TENM4: variants seen among roughly 807,000 people sequenced by gnomAD.
TENM4 encodes the protein teneurin transmembrane protein 4.
Under a neutral mutation model 243.3 loss-of-function variants are expected in TENM4, and 82 were observed. That is an observed-to-expected ratio of 0.34 (90% CI 0.28 to 0.40). The LOEUF (loss-of-function observed/expected upper bound fraction) is 0.40. Ranked by LOEUF, TENM4 falls within the 10% of genes least tolerant of loss-of-function variation. The pLI, the probability that TENM4 is intolerant of heterozygous loss-of-function variation, is 1.00. For synonymous variants in TENM4, 1,412 were observed against 1,456.3 expected (o/e 0.97, Z 0.69); for missense variants, 3,138 against 3,673.3 (o/e 0.85, Z 3.77).
chr11:78,929,636 TAA>T (rs1856627844), intron 6 of TENM4, among the ~76,000 whole-genome samples: 1 of 152,080 alleles, frequency 6.6e-6, no homozygotes. Flanking sequence ...GGGGAGATGG[TAA>T]AGAGGGAACC....
intron 4 of TENM4, chr11:79,096,928 G>GCGCGCACACACACACACA (rs1491382120): frequency 7.5e-6 from 1 of 133,888 alleles, no homozygotes; most frequent in African/African-American, 2.6e-5. Context: ...GCGCGCGCGC[G>GCGCGCACACACACACACA]CACACACACA....
At chr11:79,166,006 T>G (rs932336571) in intron 3 of TENM4, among the ~76,000 whole-genome samples, 2 of 152,212 alleles carry the variant, frequency 1.3e-5, no homozygotes. Context: ...ATATGAGGCC[T>G]GCCTAACTTT....
At chr11:78,926,690 TC>T (rs386419736) in intron 6 of TENM4, among the ~76,000 whole-genome samples, 2,474 of 94,798 alleles carry the variant, frequency 0.026, 72 homozygotes, top group African/African-American at 0.071. Flanking sequence ...TTTTTTTTTT[TC>T]TGCCACAGAG....
At chr11:79,072,470 G>A (rs887611809) in intron 4 of TENM4, among the ~76,000 whole-genome samples, 3 of 107,338 alleles carry the variant, frequency 2.8e-5, no homozygotes, top group Non-Finnish European at 3.9e-5. Context: ...CTGGGCAAGA[G>A]TGAGACCCTG....
At chr11:78,773,745 G>T (rs780347547) in intron 17 of TENM4, among the ~76,000 whole-genome samples, 3 of 152,184 alleles carry the variant, frequency 2.0e-5, no homozygotes, top group African/African-American at 4.8e-5. Context: ...TGATGGGCCC[G>T]ATTTGGTCTG....
chr11:79,247,981 G>A (rs1430114072), intron 2 of TENM4, among the ~76,000 whole-genome samples: 3 of 152,198 alleles, frequency 2.0e-5, no homozygotes, highest in Non-Finnish European at 4.4e-5. Context: ...GGGCATGGAA[G>A]CCCTGTCTAC....
intron 6 of TENM4, among the ~76,000 whole-genome samples, chr11:79,056,789 A>T (rs1294629025): frequency 6.6e-6 from 1 of 152,156 alleles, no homozygotes; most frequent in Non-Finnish European, 1.5e-5. Context: ...AAAGCTGTGG[A>T]CTAAGAACAA....
chr11:78,931,214 C>T (rs1856662032), intron 6 of TENM4, among the ~76,000 whole-genome samples: 1 of 152,174 alleles, frequency 6.6e-6, no homozygotes, highest in African/African-American at 2.4e-5. Flanking sequence ...TCCACGATTT[C>T]CCCATGTGCC....
chr11:78,870,822 T>C (rs907888936), intron 9 of TENM4, among the ~76,000 whole-genome samples: 1 of 152,136 alleles, frequency 6.6e-6, no homozygotes, highest in African/African-American at 2.4e-5. Context: ...GAATGTCACC[T>C]TAACTGGAGG....
chr11:78,799,459 G>A (rs931977137), intron 15 of TENM4, among the ~76,000 whole-genome samples: 1 of 152,308 alleles, frequency 6.6e-6, no homozygotes, highest in Admixed American at 6.5e-5. Flanking sequence ...TAGAGTCTAA[G>A]GACTGTTTGG....
chr11:79,199,356 T>G (rs1181976863), intron 3 of TENM4, among the ~76,000 whole-genome samples: 1 of 152,240 alleles, frequency 6.6e-6, no homozygotes. Context: ...TACTATTATG[T>G]GCTAGGCATT....
Position 78,658,168 on chromosome 11 carries a change from C to T in TENM4, c.8200G>A (p.Val2734Met). 1 of 1,614,050 alleles carries T rather than the reference C, an allele frequency of 6.2e-7. No individual in the cohort carries two copies. Residue 2734 changes from valine to methionine, a missense_variant, in exon 34 of 34, where the codon GTG becomes ATG. Physicochemically the swap from Val to Met is conservative, Grantham distance 21. This residue lies in a region of TENM4 where 2,467 missense variants were observed against 3,059.1 expected (regional missense o/e 0.81). Transcript: ENST00000278550. Reference sequence around the variant, plus strand: ...ACGAAAAAGCCGTCGTAGCCTTGCACCCGCCCTGTGCTCAGCACCTGCTGC... The same window carrying T: ...ACGAAAAAGCCGTCGTAGCCTTGCATCCGCCCTGTGCTCAGCACCTGCTGC... ...EKQQVLSTGR[V>M]QGYDGFFVIS...
chr11:79,215,116 C>T (rs1864024195), intron 3 of TENM4, among the ~76,000 whole-genome samples: 1 of 152,220 alleles, frequency 6.6e-6, no homozygotes, highest in Admixed American at 6.5e-5. Flanking sequence ...TTCCTGTGTC[C>T]TCAGCCTCCC....
chr11:79,125,295 A>G (rs1445216691), intron 4 of TENM4, among the ~76,000 whole-genome samples: 2 of 152,176 alleles, frequency 1.3e-5, no homozygotes, highest in African/African-American at 4.8e-5. Context: ...AGTTCAGTAG[A>G]CAAAGTGATG....
intron 17 of TENM4, among the ~76,000 whole-genome samples, chr11:78,776,495 C>T (rs1404442360): frequency 2.0e-5 from 3 of 152,158 alleles, no homozygotes; most frequent in Non-Finnish European, 4.4e-5. Context: ...GTTGAGTAAA[C>T]ATTGTTTCTT....
At chr11:79,067,546 G>A (rs1384397117) in intron 5 of TENM4, among the ~76,000 whole-genome samples, 1 of 150,606 alleles carries the variant, frequency 6.6e-6, no homozygotes, top group Non-Finnish European at 1.5e-5. Context: ...TTTCCATCTG[G>A]CTTGTCCTGC....
intron 3 of TENM4, among the ~76,000 whole-genome samples, chr11:79,209,210 T>C (rs931152453): frequency 6.6e-6 from 1 of 152,146 alleles, no homozygotes; most frequent in African/African-American, 2.4e-5. Context: ...GGATGCAGGA[T>C]AGGTAAAGAA....
At chr11:78,931,849 C>T (rs1244096752) in intron 6 of TENM4, among the ~76,000 whole-genome samples, 2 of 152,108 alleles carry the variant, frequency 1.3e-5, no homozygotes, top group Admixed American at 6.5e-5. Flanking sequence ...GGCAATAAAC[C>T]AGCTGCGGTG....
chr11:79,059,238 C>A (rs890298967), intron 6 of TENM4, among the ~76,000 whole-genome samples: 3 of 152,112 alleles, frequency 2.0e-5, no homozygotes, highest in Non-Finnish European at 4.4e-5. Context: ...AAATCATGTA[C>A]ATTCTTACTG....
Sources: gnomAD v4.1 joint callset for allele counts (sites outside exome capture counted in the v4.1 genomes callset) on GRCh38, gnomAD v4.1.1 for gene constraint, gnomAD v4.1.1 regional missense constraint, MANE v1.5 for transcripts, NCBI Gene and HGNC (gene_info 2026-07-23, HGNC 2026-07-21) for gene names.